Variants in CEP57 observed in about 807,000 individuals in gnomAD.
CEP57 encodes centrosomal protein of 57 kDa.
In CEP57, 40 loss-of-function variants were observed where a neutral mutation model predicts 68.0. The observed-to-expected ratio is 0.59, with a 90% CI of 0.46 to 0.77. CEP57 has a LOEUF of 0.77. Among genes scored for constraint, CEP57 ranks in the 30% least tolerant of loss-of-function variants. CEP57 has a pLI of 0.00. For synonymous variants in CEP57, 219 were observed against 198.7 expected (o/e 1.10, Z -0.86); for missense variants, 606 against 580.7 (o/e 1.04, Z -0.45).
chr11:95,790,410 A>G (rs921324626), upstream of CEP57: 2 of 525,302 alleles, frequency 3.8e-6, no homozygotes, highest in Non-Finnish European at 3.4e-6. Context: ...TTGTGACGTC[A>G]CCAGGGAAGA....
intron 10 of CEP57, among the ~76,000 whole-genome samples, chr11:95,829,793 T>C (rs1350417766): frequency 6.6e-6 from 1 of 152,092 alleles, no homozygotes; most frequent in African/African-American, 2.4e-5. Flanking sequence ...AGAAACATGA[T>C]TCATATATTT....
intron 2 of CEP57, among the ~76,000 whole-genome samples, chr11:95,810,653 C>T (rs984812775): frequency 2.6e-5 from 4 of 152,122 alleles, no homozygotes; most frequent in African/African-American, 9.7e-5. Flanking sequence ...ATGTGAAGGA[C>T]CCCTTCAAGG....
chr11:95,830,141 T>G (rs1862939701), intron 10 of CEP57, among the ~76,000 whole-genome samples: 1 of 152,200 alleles, frequency 6.6e-6, no homozygotes, highest in Non-Finnish European at 1.5e-5. Context: ...TCATTTAATT[T>G]TCACAAAAGG....
chr11:95,796,372 T>C (rs962694900), intron 1 of CEP57, among the ~76,000 whole-genome samples: 1 of 152,206 alleles, frequency 6.6e-6, no homozygotes, highest in Non-Finnish European at 1.5e-5. Context: ...TACTGAATGC[T>C]TAGGGTCATG....
intron 4 of CEP57, among the ~76,000 whole-genome samples, chr11:95,816,113 A>T (rs1862286235): frequency 6.6e-6 from 1 of 152,192 alleles, no homozygotes; most frequent in South Asian, 2.1e-4. Flanking sequence ...TAATTGACTC[A>T]CAGTTCTGTA....
At chr11:95,799,000 C>G (rs546313744) in intron 1 of CEP57, among the ~76,000 whole-genome samples, 48 of 152,280 alleles carry the variant, frequency 3.2e-4, no homozygotes, top group African/African-American at 1.1e-3. Context: ...CATTTGTATT[C>G]AAGTTGTATG....
At chr11:95,811,925 GCTAAAGTGAAAAAAC>G (rs1295477301) in intron 2 of CEP57, among the ~76,000 whole-genome samples, 1 of 137,426 alleles carries the variant, frequency 7.3e-6, no homozygotes, top group East Asian at 2.0e-4. Context: ...ATTTAATAAT[GCTAAAGTGAAAAAAC>G]CTACATATTT....
At chr11:95,822,678 T>C in intron 8 of CEP57, 102 bp downstream of exon 8, 2 of 997,982 alleles carry the variant, frequency 2.0e-6, no homozygotes, top group Non-Finnish European at 3.1e-6. Flanking sequence ...CATTTTTCTG[T>C]GCCTTTACCA....
At chr11:95,790,968 C>G (rs1159465961) in intron 1 of CEP57, among the ~76,000 whole-genome samples, 1 of 152,210 alleles carries the variant, frequency 6.6e-6, no homozygotes, top group Non-Finnish European at 1.5e-5. Flanking sequence ...GTTCCCCAGC[C>G]CTTATTCACC....
At chr11:95,813,381 A>G in intron 3 of CEP57, 87 bp from the exon 4 acceptor site, 4 of 1,506,712 alleles carry the variant, frequency 2.7e-6, no homozygotes, top group Non-Finnish European at 2.7e-6. Flanking sequence ...TTTATTGTAT[A>G]CACAATAGAT....
intron 2 of CEP57, among the ~76,000 whole-genome samples, chr11:95,801,439 A>G (rs1000860780): frequency 7.6e-6 from 1 of 132,184 alleles, no homozygotes; most frequent in Non-Finnish European, 1.6e-5. Flanking sequence ...AACAACATAG[A>G]TTTTAAAAAG....
rs1860978869 is a variant in CEP57, at chr11:95,790,608, C to T, written c.-91C>T. Reference sequence around the variant, plus strand: ...TTCCATCAGGGGTTCAGCCTAGGGTCCCCGCTGGTGGGCGGCTCCCGAGTC... The same window carrying T: ...TTCCATCAGGGGTTCAGCCTAGGGTTCCCGCTGGTGGGCGGCTCCCGAGTC... On this transcript the variant is annotated 5_prime_UTR_variant, in exon 1 of 11. Coordinates refer to ENST00000325542, the MANE Select transcript of CEP57 (RefSeq NM_014679.5). 1.3e-6 allele frequency: 2 copies of T among 1,494,066 alleles called. No individual in the cohort carries two copies. Among genetic ancestry groups the T allele is most frequent in the African/African-American group, 1.4e-5 (1 of 72,338 alleles). 92.6% of individuals were successfully genotyped at this position (1,494,066 alleles called of 1,614,324 possible).
chr11:95,823,505 G>C (rs1233381114), intron 8 of CEP57, among the ~76,000 whole-genome samples: 1 of 152,084 alleles, frequency 6.6e-6, no homozygotes, highest in Admixed American at 6.5e-5. Flanking sequence ...AATTGACTAT[G>C]TCAATACTAG....
At chr11:95,799,142 A>G (rs1040942610) in intron 1 of CEP57, 90 bp from the exon 2 acceptor site, 10 of 1,288,820 alleles carry the variant, frequency 7.8e-6, no homozygotes, top group Non-Finnish European at 1.1e-5. Context: ...GTCTGTATGG[A>G]CAGTCAATCT....
Position 95,831,109 on chromosome 11 carries a change from C to T in CEP57, c.1356C>T (p.Ser452=). The T allele has an allele frequency of 1.2e-6, 2 of 1,613,406 alleles. No individual in the cohort carries two copies. The highest frequency in any genetic ancestry group is 1.7e-6 in the Non-Finnish European group (2 of 1,179,520). ...KTLDEERNSS[S]RSGITGTTNK... is the part of the protein sequence containing the mutation. ...TTGATGAAGAAAGAAACAGCAGCAG[C>T]CGTTCTGGAATCACAGGGACCACAA... The change falls in exon 11 of 11, where the codon AGC becomes AGT. Residue 452 remains serine (S), a synonymous_variant. Coordinates refer to ENST00000325542, the MANE Select transcript of CEP57 (RefSeq NM_014679.5).
In CEP57 at chr11:95,799,392, A is replaced by G; in HGVS notation, c.202+4A>G. 1.2e-6 allele frequency: 2 copies of G among 1,613,868 alleles called. No homozygotes were observed. Among genetic ancestry groups the G allele is most frequent in the Non-Finnish European group, 1.7e-6 (2 of 1,179,822 alleles). On this transcript the variant is annotated splice_donor_region_variant and intron_variant, in intron 2 of 10. Transcript: ENST00000325542. Reference sequence around the variant, plus strand: ...TATCCAGAAAGCAACAGCAGAGGTAATCGAGCCTAACGAAATAAATGTTAT... The same window carrying G: ...TATCCAGAAAGCAACAGCAGAGGTAGTCGAGCCTAACGAAATAAATGTTAT...
chr11:95,806,484 T>C (rs1361191521), intron 2 of CEP57, among the ~76,000 whole-genome samples: 1 of 152,212 alleles, frequency 6.6e-6, no homozygotes, highest in African/African-American at 2.4e-5. Flanking sequence ...AAGGGAAGCC[T>C]TGACACACAG....
At chr11:95,824,073 TAAA>T (rs71040119) in intron 8 of CEP57, among the ~76,000 whole-genome samples, 43 of 112,622 alleles carry the variant, frequency 3.8e-4, no homozygotes, top group Middle Eastern at 4.5e-3. Flanking sequence ...AGGCCTATTG[TAAA>T]AAAAAAAAAA....
At chr11:95,818,744 A>C in intron 5 of CEP57, 83 bp from the exon 6 acceptor site, 1 of 1,044,082 alleles carries the variant, frequency 9.6e-7, no homozygotes. Context: ...GATAAAATTT[A>C]CATGTTCCAG....
Sources: allele counts gnomAD v4.1 joint callset (sites outside exome capture counted in the v4.1 genomes callset), GRCh38; gene constraint gnomAD v4.1.1; transcripts MANE v1.5; gene names NCBI Gene and HGNC (gene_info 2026-07-23, HGNC 2026-07-21).